The following RYR2 variants were observed in gnomAD, a reference collection of about 807,000 sequenced individuals.
The protein encoded by RYR2 is cardiac muscle ryanodine receptor-calcium release channel.
In RYR2, 227 loss-of-function variants were observed where a neutral mutation model predicts 601.1. The ratio of observed to expected loss-of-function variants is 0.38; its 90% CI spans 0.34 to 0.42. RYR2 has a LOEUF of 0.42. Among genes scored for constraint, RYR2 ranks in the 10% least tolerant of loss-of-function variants. RYR2 has a pLI of 1.00. For synonymous variants in RYR2, 2,223 were observed against 2,175.1 expected (o/e 1.02, Z -0.61); for missense variants, 4,646 against 6,156.5 (o/e 0.75, Z 8.21).
chr1:237,670,309 TGGAGAG>T (rs961889025), intron 58 of RYR2, among the ~76,000 whole-genome samples: 962 of 84,416 alleles, frequency 0.011, 15 homozygotes, highest in African/African-American at 0.043. Flanking sequence ...AGAGGGAGAC[TGGAGAG>T]GGAGAGGGAG....
Position 237,696,535 on chromosome 1 carries a change from G to A in RYR2, c.9068-2430G>A, listed in dbSNP as rs1687451622. On this transcript the variant is annotated intron_variant, in intron 63 of 104. Transcript: ENST00000366574. ...CTGGCTTAGATCTCTTCCCTGCACT[G>A]CAGACTTTTTTTTTTTTTTCAATCA... 2.6e-5 allele frequency among the ~76,000 whole-genome samples: 3 copies of A among 117,062 alleles called. No individual in the cohort carries two copies. The South Asian group carries it at 9.6e-4, about 38-fold the overall frequency. The allele number at this position is 117,062 out of a possible 152,430, so 76.8% of individuals were successfully genotyped here.
intron 42 of RYR2, 72 bp downstream of exon 42, chr1:237,631,613 A>ATGTTTTTTTTTT (rs1680263404): frequency 5.2e-6 from 1 of 191,274 alleles, no homozygotes; most frequent in Admixed American, 1.7e-4. Flanking sequence ...TAGAATGCAG[A>ATGTTTTTTTTTT]TTTTTTTTTT....
intron 2 of RYR2, among the ~76,000 whole-genome samples, chr1:237,273,933 T>G (rs1231080120): frequency 6.9e-6 from 1 of 145,684 alleles, no homozygotes; most frequent in African/African-American, 2.5e-5. Flanking sequence ...ATAAAATATA[T>G]ATTATATATT....
At position 237,610,823 on chromosome 1, in the gene RYR2, GC is replaced by G. The variant is rs766543639; in HGVS notation, c.4751del (p.Pro1584ArgfsTer21). On this transcript the variant is annotated frameshift_variant, in exon 36 of 105. Transcript: ENST00000366574. LOFTEE classifies it high-confidence loss of function. The surrounding 1 kb of genome is among the most constrained non-coding windows in gnomAD (Gnocchi z 4.9). ...KSEHKNPVPQ[C>X]PPRLHVQFLS... ...GAGCACAAGAACCCCGTGCCGCAGT[GC>G]CCCCCGCGCCTCCACGTGCAGTTCC... The G allele has an allele frequency of 1.2e-6, 2 of 1,612,144 alleles. No individual in the cohort carries two copies. Among genetic ancestry groups the G allele is most frequent in the Non-Finnish European group, 1.7e-6 (2 of 1,179,288 alleles).
chr1:237,058,002 G>A (rs1662380430), intron 1 of RYR2, among the ~76,000 whole-genome samples: 1 of 152,168 alleles, frequency 6.6e-6, no homozygotes, highest in African/African-American at 2.4e-5. Context: ...AAAGCTGGGC[G>A]TGTTTTGTTT....
At chr1:237,516,119 ATTTG>A (rs1034810248) in intron 24 of RYR2, among the ~76,000 whole-genome samples, 3 of 147,942 alleles carry the variant, frequency 2.0e-5, no homozygotes, top group Non-Finnish European at 4.5e-5. Flanking sequence ...TTACTTATTT[ATTTG>A]TTTGTTTGAA....
intron 1 of RYR2, among the ~76,000 whole-genome samples, chr1:237,044,785 C>T (rs6428984): frequency 0.71 from 105,003 of 148,472 alleles, 37,532 homozygotes; most frequent in African/African-American, 0.84. Context: ...CCCCACCCCC[C>T]TTTTTTTTCT....
intron 10 of RYR2, 73 bp downstream of exon 10, chr1:237,388,256 C>G (rs1702105611): frequency 8.0e-7 from 1 of 1,252,640 alleles, no homozygotes; most frequent in Admixed American, 2.0e-5. Context: ...AACTAGGGAT[C>G]TATTCATTCA....
intron 48 of RYR2, 119 bp downstream of exon 48, chr1:237,643,566 CTTAAA>C: frequency 2.0e-6 from 2 of 1,000,546 alleles, no homozygotes; most frequent in East Asian, 2.7e-5. Context: ...GTGTATACTA[CTTAAA>C]TTAGTTTTTT....
At position 237,425,275 on chromosome 1, in the gene RYR2, C is replaced by T. The variant is rs547672963; in HGVS notation, c.1005+2027C>T. On this transcript the variant is annotated intron_variant, in intron 12 of 104. Coordinates refer to ENST00000366574, the MANE Select transcript of RYR2 (RefSeq NM_001035.3). ...AATCATTTTTCTTTTGCTGTGTAAA[C>T]GCACACAACCTTGCAACATGGGGAT... Among the ~76,000 whole-genome samples, 79 of 152,112 alleles carry T rather than the reference C, an allele frequency of 5.2e-4. No individual in the cohort carries two copies. In the South Asian group the frequency reaches 0.014, roughly 26 times the overall value.
At chr1:237,774,749 A>G (rs1694522559) in intron 87 of RYR2, among the ~76,000 whole-genome samples, 1 of 152,166 alleles carries the variant, frequency 6.6e-6, no homozygotes, top group Non-Finnish European at 1.5e-5. Flanking sequence ...ATACCAGTAC[A>G]ACAACATTCA....
At chr1:237,367,112 G>A (rs557828682) in intron 5 of RYR2, among the ~76,000 whole-genome samples, 46 of 149,544 alleles carry the variant, frequency 3.1e-4, no homozygotes, top group African/African-American at 1.1e-3. Context: ...TTTTGTTTTC[G>A]AGATAGAATC....
chr1:237,770,032 T>C (rs891606641), intron 84 of RYR2, among the ~76,000 whole-genome samples: 1 of 152,146 alleles, frequency 6.6e-6, no homozygotes, highest in African/African-American at 2.4e-5. Context: ...CCAAAAATAT[T>C]TGTTAGTGTT....
chr1:237,503,294 G>A lies in RYR2; in HGVS notation c.2402G>A (p.Arg801His), dbSNP rs371157868. Residue 801 changes from arginine (R) to histidine (H), a missense_variant, in exon 22 of 105, where the codon CGC becomes CAC. Coordinates refer to ENST00000366574, the MANE Select transcript of RYR2 (RefSeq NM_001035.3). ...CTAACGTGCATCCTCTTTAGAGTAC[G>A]CTTTCTGCTTGGAGGGCGACATGGA... ...VVSFSAGIKV[R>H]FLLGGRHGEF... 5.0e-6 allele frequency: 8 copies of A among 1,604,540 alleles called. No homozygotes were observed. The highest frequency in any genetic ancestry group is 2.2e-5 in the East Asian group (1 of 44,620).
intron 93 of RYR2, 132 bp from the exon 94 acceptor site, chr1:237,791,973 C>A: frequency 1.5e-6 from 1 of 662,000 alleles, no homozygotes; most frequent in Non-Finnish European, 2.6e-6. Flanking sequence ...TTAGCCTTTG[C>A]TATTAGTCCT....
intron 35 of RYR2, among the ~76,000 whole-genome samples, chr1:237,608,916 G>A (rs537915753): frequency 2.0e-5 from 3 of 150,088 alleles, no homozygotes; most frequent in South Asian, 2.1e-4. Flanking sequence ...TTCATTGGCC[G>A]ACTAATAGCT....
chr1:237,735,489 G>A (rs1344077656), intron 79 of RYR2, among the ~76,000 whole-genome samples: 2 of 152,142 alleles, frequency 1.3e-5, no homozygotes, highest in Non-Finnish European at 2.9e-5. Flanking sequence ...GTGAAGTGAG[G>A]TCTGGAGTCC....
intron 62 of RYR2, 65 bp downstream of exon 62, chr1:237,680,642 C>T: frequency 4.5e-6 from 6 of 1,333,248 alleles, no homozygotes; most frequent in Non-Finnish European, 5.1e-6. Flanking sequence ...CAAAGAAAAC[C>T]TGAGGACCTT....
chr1:237,401,368 C>A (rs1014306038), intron 10 of RYR2, among the ~76,000 whole-genome samples: 1 of 151,598 alleles, frequency 6.6e-6, no homozygotes, highest in African/African-American at 2.4e-5. Flanking sequence ...CAAATGGGAT[C>A]CCCAGACCAC....
Sources: gnomAD v4.1 joint callset for allele counts (sites outside exome capture counted in the v4.1 genomes callset) on GRCh38, gnomAD v4.1.1 for gene constraint, Gnocchi (gnomAD v3.1) non-coding constraint, MANE v1.5 for transcripts, NCBI Gene and HGNC (gene_info 2026-07-23, HGNC 2026-07-21) for gene names.